GRIA1: variants seen among roughly 807,000 people sequenced by gnomAD.
GRIA1 encodes the protein glutamate receptor 1.
Under a neutral mutation model 99.2 loss-of-function variants are expected in GRIA1, and 31 were observed. The observed-to-expected ratio is 0.31, with a 90% confidence interval of 0.23 to 0.42. The LOEUF is 0.42. GRIA1 is among the 10% of genes least tolerant of loss of function. The pLI, the probability that GRIA1 is intolerant of heterozygous loss-of-function variation, is 1.00. For missense variants in GRIA1, 782 were observed against 1,157.5 expected (o/e 0.68, Z 4.71); for synonymous variants, 438 against 432.4 (o/e 1.01, Z -0.16).
intron 15 of GRIA1, among the ~76,000 whole-genome samples, chr5:153,805,032 G>T (rs557643928): frequency 6.6e-6 from 1 of 152,094 alleles, no homozygotes; most frequent in Non-Finnish European, 1.5e-5. Context: ...GATTACAGGC[G>T]TGAGCCACCA....
chr5:153,799,578 T>C (rs1041625729), intron 14 of GRIA1, among the ~76,000 whole-genome samples: 2 of 152,220 alleles, frequency 1.3e-5, no homozygotes, highest in African/African-American at 4.8e-5. Flanking sequence ...TAGGTGGTTG[T>C]GTTACCTGTG....
intron 11 of GRIA1, among the ~76,000 whole-genome samples, chr5:153,717,551 C>A (rs1759754710): frequency 6.6e-6 from 1 of 151,954 alleles, no homozygotes; most frequent in South Asian, 2.1e-4. Flanking sequence ...GCTCAGAGTT[C>A]ACCAAGTTTA....
At chr5:153,736,155 G>C (rs891076945) in intron 11 of GRIA1, among the ~76,000 whole-genome samples, 1 of 152,220 alleles carries the variant, frequency 6.6e-6, no homozygotes, top group Admixed American at 6.5e-5. Context: ...AAGGGACTGA[G>C]AAGGAGCAGC....
At chr5:153,704,843 C>T (rs1758778836) in intron 10 of GRIA1, among the ~76,000 whole-genome samples, 1 of 152,196 alleles carries the variant, frequency 6.6e-6, no homozygotes, top group African/African-American at 2.4e-5. Flanking sequence ...CATACCCCTT[C>T]CACCTTGTAG....
intron 1 of GRIA1, among the ~76,000 whole-genome samples, chr5:153,492,595 G>A (rs1047805057): frequency 3.9e-5 from 6 of 152,122 alleles, no homozygotes; most frequent in African/African-American, 1.4e-4. Flanking sequence ...GTTTACATTT[G>A]TGCTTATATA....
chr5:153,518,859 C>T (rs1756869030), intron 2 of GRIA1, among the ~76,000 whole-genome samples: 1 of 152,148 alleles, frequency 6.6e-6, no homozygotes, highest in Non-Finnish European at 1.5e-5. Flanking sequence ...TGAATTCAGC[C>T]TGGCATCGTG....
chr5:153,516,200 A>G (rs1756614670), intron 2 of GRIA1, among the ~76,000 whole-genome samples: 1 of 152,180 alleles, frequency 6.6e-6, no homozygotes, highest in African/African-American at 2.4e-5. Flanking sequence ...AGCCTGGGCA[A>G]CCGAGTGAGA....
chr5:153,611,121 C>T (rs1477474833), intron 2 of GRIA1, among the ~76,000 whole-genome samples: 1 of 152,066 alleles, frequency 6.6e-6, no homozygotes, highest in African/African-American at 2.4e-5. Flanking sequence ...GGAGTGAGGC[C>T]TAGGAAGCTA....
chr5:153,646,890 G>T, intron 2 of GRIA1, 38 bp from the exon 3 acceptor site: 3 of 1,600,026 alleles, frequency 1.9e-6, no homozygotes, highest in Non-Finnish European at 2.6e-6. Flanking sequence ...ACCACTTTTT[G>T]CAGTCTTCTA....
At chr5:153,603,169 A>G (rs1185301829) in intron 2 of GRIA1, among the ~76,000 whole-genome samples, 1 of 151,380 alleles carries the variant, frequency 6.6e-6, no homozygotes, top group Non-Finnish European at 1.5e-5. Flanking sequence ...GAGAACATGC[A>G]GTGTTTGGTT....
intron 5 of GRIA1, among the ~76,000 whole-genome samples, chr5:153,669,423 G>T (rs1755986714): frequency 6.6e-6 from 1 of 152,084 alleles, no homozygotes; most frequent in Admixed American, 6.6e-5. Context: ...GCACCAGTGT[G>T]CTTTAATTTC....
At chr5:153,704,364 C>T (rs1019419847) in intron 10 of GRIA1, among the ~76,000 whole-genome samples, 1 of 152,352 alleles carries the variant, frequency 6.6e-6, no homozygotes, top group South Asian at 2.1e-4. Context: ...TGGAAATCCT[C>T]TTAGGTTTCC....
intron 2 of GRIA1, among the ~76,000 whole-genome samples, chr5:153,640,836 AT>A (rs1753730737): frequency 6.6e-6 from 1 of 152,220 alleles, no homozygotes; most frequent in East Asian, 1.9e-4. Flanking sequence ...TACTAAATAA[AT>A]GATAACATTG....
intron 14 of GRIA1, among the ~76,000 whole-genome samples, chr5:153,797,953 G>A (rs1261485256): frequency 6.6e-6 from 1 of 152,148 alleles, no homozygotes; most frequent in South Asian, 2.1e-4. Context: ...AGTCTCTAGG[G>A]AGAATTTTTA....
At chr5:153,740,966 CTTTTTTTTTTTTTT>C (rs10601141) in intron 11 of GRIA1, among the ~76,000 whole-genome samples, 1 of 76,782 alleles carries the variant, frequency 1.3e-5, no homozygotes, top group Non-Finnish European at 2.2e-5. Context: ...AAGAAATTGG[CTTTTTTTTTTTTTT>C]TTTTTTTTTT....
chr5:153,779,024 T>A (rs1268700969), intron 13 of GRIA1, among the ~76,000 whole-genome samples: 2 of 152,152 alleles, frequency 1.3e-5, no homozygotes, highest in African/African-American at 4.8e-5. Context: ...ATTCTATATG[T>A]TTTTTGTTTC....
chr5:153,562,270 C>A (rs1193977341), intron 2 of GRIA1, among the ~76,000 whole-genome samples: 1 of 152,102 alleles, frequency 6.6e-6, no homozygotes, highest in African/African-American at 2.4e-5. Flanking sequence ...GCCATCTATA[C>A]CCATTATGTC....
At chr5:153,580,329 C>T (rs1271484914) in intron 2 of GRIA1, among the ~76,000 whole-genome samples, 2 of 152,212 alleles carry the variant, frequency 1.3e-5, no homozygotes, top group African/African-American at 4.8e-5. Context: ...TCTTGCTCTC[C>T]CTTCAGGGAT....
intron 2 of GRIA1, among the ~76,000 whole-genome samples, chr5:153,497,129 G>A (rs946490702): frequency 3.3e-5 from 5 of 152,146 alleles, no homozygotes; most frequent in East Asian, 1.9e-4. Flanking sequence ...TGCCTTCTTC[G>A]TGTTCAATCT....
Sources: gnomAD v4.1 joint callset for allele counts (sites outside exome capture counted in the v4.1 genomes callset) on GRCh38, gnomAD v4.1.1 for gene constraint, MANE v1.5 for transcripts, NCBI Gene and HGNC (gene_info 2026-07-23, HGNC 2026-07-21) for gene names.